LRP1B: variants seen among roughly 807,000 people sequenced by gnomAD.
The protein encoded by LRP1B is LDL receptor related protein 1B.
Under a neutral mutation model 556.6 loss-of-function variants are expected in LRP1B, and 217 were observed. The observed-to-expected ratio is 0.39, with a 90% CI of 0.35 to 0.44. The LOEUF (loss-of-function observed/expected upper bound fraction) is 0.44. Ranked by LOEUF, LRP1B falls within the 20% of genes least tolerant of loss-of-function variation. The pLI, the probability that LRP1B is intolerant of heterozygous loss-of-function variation, is 1.00. For missense variants in LRP1B, 5,053 were observed against 5,620.8 expected (o/e 0.90, Z 3.23); for synonymous variants, 2,047 against 1,865.8 (o/e 1.10, Z -2.50).
At chr2:141,382,540 C>T (rs1559040813) in intron 3 of LRP1B, among the ~76,000 whole-genome samples, 1 of 152,172 alleles carries the variant, frequency 6.6e-6, no homozygotes. Context: ...GGGACATAAC[C>T]TGCCAGCGCA....
At chr2:140,655,665 A>G (rs1399302825) in intron 41 of LRP1B, among the ~76,000 whole-genome samples, 1 of 152,210 alleles carries the variant, frequency 6.6e-6, no homozygotes, top group African/African-American at 2.4e-5. Context: ...AATAGGCGCC[A>G]GGCGCGGTGG....
chr2:141,668,898 G>A (rs551058922), intron 2 of LRP1B, among the ~76,000 whole-genome samples: 11 of 152,220 alleles, frequency 7.2e-5, no homozygotes, highest in East Asian at 1.9e-4. Flanking sequence ...ACACCTGCCC[G>A]TCTGCATGCT....
rs185419534 is a variant in LRP1B at position 141,713,160 on chromosome 2, T to C, written c.205+97119A>G. 4.0e-5 allele frequency among the ~76,000 whole-genome samples: 6 copies of C among 151,782 alleles called. No individual in the cohort carries two copies. In the East Asian group the frequency reaches 1.2e-3, roughly 29 times the overall value. On this transcript the variant is annotated intron_variant, in intron 2 of 90. Transcript: ENST00000389484. ...ACCTTGGCCTCCCAAAGTGCTGGGATTAGGGGTGTGAGCCACCATGCCTGG... is the reference window on the plus strand; with the variant it reads ...ACCTTGGCCTCCCAAAGTGCTGGGACTAGGGGTGTGAGCCACCATGCCTGG...
Position 141,503,244 on chromosome 2 carries a change from T to C in LRP1B, c.206-22711A>G, listed in dbSNP as rs956017149. ...AAGATATACAATATACAATACAATA[T>C]ATAATATAATATATAATAATATATA... is the stretch of plus-strand genomic sequence containing the variant. On this transcript the variant is annotated intron_variant, in intron 2 of 90. Transcript: ENST00000389484. 1.5e-3 allele frequency among the ~76,000 whole-genome samples: 70 copies of C among 47,630 alleles called. No homozygotes were observed. The East Asian group carries it at 0.092, about 63-fold the overall frequency. The allele number at this position is 47,630 out of a possible 152,430, so 31.2% of individuals were successfully genotyped here.
chr2:140,506,229 T>C (rs147323885), intron 53 of LRP1B, among the ~76,000 whole-genome samples: 6,306 of 152,072 alleles, frequency 0.041, 167 homozygotes, highest in Non-Finnish European at 0.047. Context: ...ATTTTTAATT[T>C]TAATTTTAAT....
intron 3 of LRP1B, among the ~76,000 whole-genome samples, chr2:141,355,164 C>T (rs1345380478): frequency 1.3e-5 from 2 of 151,874 alleles, no homozygotes; most frequent in African/African-American, 2.4e-5. Flanking sequence ...GTGAATTGAA[C>T]AGAAAAAAAA....
chr2:141,518,785 C>A (rs149889797), intron 2 of LRP1B, among the ~76,000 whole-genome samples: 1 of 151,998 alleles, frequency 6.6e-6, no homozygotes, highest in Admixed American at 6.6e-5. Flanking sequence ...CCTGTCACTA[C>A]TAAAAATTCA....
chr2:140,427,302 G>T (rs933612266), intron 66 of LRP1B, among the ~76,000 whole-genome samples: 3 of 152,080 alleles, frequency 2.0e-5, no homozygotes, highest in Non-Finnish European at 2.9e-5. Flanking sequence ...TTGGCTGCTT[G>T]CTCACCCACG....
At chr2:140,477,836 C>G (rs1287706561) in intron 59 of LRP1B, among the ~76,000 whole-genome samples, 2 of 152,036 alleles carry the variant, frequency 1.3e-5, no homozygotes, top group African/African-American at 4.8e-5. Context: ...GAATGAAAAC[C>G]CTTTCTTACT....
chr2:140,445,075 C>T (rs7420069), intron 63 of LRP1B, among the ~76,000 whole-genome samples: 17,376 of 151,950 alleles, frequency 0.11, 1,147 homozygotes, highest in East Asian at 0.24. Flanking sequence ...CATTTGGTGG[C>T]CTATGGTGTG....
At chr2:141,766,860 G>A (rs910367418) in intron 2 of LRP1B, among the ~76,000 whole-genome samples, 4 of 152,116 alleles carry the variant, frequency 2.6e-5, no homozygotes, top group African/African-American at 9.7e-5. Context: ...TTATAGCCTT[G>A]TACATATGCT....
intron 43 of LRP1B, among the ~76,000 whole-genome samples, chr2:140,585,834 A>G (rs62171943): frequency 0.22 from 34,112 of 152,078 alleles, 3,982 homozygotes; most frequent in Admixed American, 0.29. Context: ...TATTTTCATA[A>G]TCTTTATTTC....
At chr2:141,977,990 A>T (rs1701932925) in intron 1 of LRP1B, among the ~76,000 whole-genome samples, 1 of 152,148 alleles carries the variant, frequency 6.6e-6, no homozygotes, top group African/African-American at 2.4e-5. Context: ...ACATTGTGAG[A>T]AATACAGCAT....
chr2:140,597,424 C>T (rs528164475), intron 43 of LRP1B, among the ~76,000 whole-genome samples: 57 of 152,094 alleles, frequency 3.7e-4, no homozygotes, highest in Admixed American at 1.8e-3. Flanking sequence ...AATATCATGA[C>T]ATAATAAAAA....
chr2:141,289,132 C>T lies in LRP1B; in HGVS notation c.344-34491G>A, dbSNP rs558912117. ...GGCGCGGTGGCTTAACTCCTGTAAT[C>T]CCAGAATTTTGGGAGGCTGAGGCGG... On this transcript the variant is annotated intron_variant, in intron 3 of 90. Coordinates refer to ENST00000389484, the MANE Select transcript of LRP1B (RefSeq NM_018557.3). Among the ~76,000 whole-genome samples the T allele has an allele frequency of 5.3e-3, 800 of 151,980 alleles. 7 individuals carry two copies. Among genetic ancestry groups the T allele is most frequent in the Non-Finnish European group, 8.9e-3 (606 of 67,964 alleles).
intron 11 of LRP1B, 143 bp downstream of exon 11, chr2:141,048,843 G>A: frequency 1.5e-6 from 1 of 664,600 alleles, no homozygotes; most frequent in Non-Finnish European, 2.7e-6. Flanking sequence ...CAATGTTAAT[G>A]AAGAAATAAC....
chr2:140,919,838 G>T (rs1694684434), intron 21 of LRP1B, among the ~76,000 whole-genome samples: 1 of 152,046 alleles, frequency 6.6e-6, no homozygotes. Context: ...ACCTTCACAT[G>T]AATTCCTTTT....
intron 7 of LRP1B, among the ~76,000 whole-genome samples, chr2:141,185,697 C>CAAAAAAAAAAAAACA (rs533419513): frequency 2.6e-5 from 2 of 77,790 alleles, no homozygotes; most frequent in Non-Finnish European, 3.0e-5. Flanking sequence ...CAAAAAAAAA[C>CAAAAAAAAAAAAACA]AAAAAAAAAA....
rs572096805 is a variant in LRP1B, at chr2:141,950,070, G to T, written c.83-139669C>A. Among the ~76,000 whole-genome samples, 15 of 152,176 alleles carry T rather than the reference G, an allele frequency of 9.9e-5. No homozygotes were observed. The South Asian group carries it at 2.9e-3, about 29-fold the overall frequency. The stretch of plus-strand genomic sequence containing the variant: ...TTGTATGTTCGGCCTTGATTTAGTG[G>T]TAAGTTTGGGTAATGATTAGGTATT... On this transcript the variant is annotated intron_variant, in intron 1 of 90. Coordinates refer to ENST00000389484, the MANE Select transcript of LRP1B (RefSeq NM_018557.3).
Sources: gnomAD v4.1 joint callset for allele counts (sites outside exome capture counted in the v4.1 genomes callset) on GRCh38, gnomAD v4.1.1 for gene constraint, MANE v1.5 for transcripts, NCBI Gene and HGNC (gene_info 2026-07-23, HGNC 2026-07-21) for gene names.